The following ARHGAP44 variants were observed in gnomAD, a reference collection of about 807,000 sequenced individuals.
The protein encoded by ARHGAP44 is rho GTPase-activating protein 44.
ARHGAP44 carries 43 observed loss-of-function variants against 106.8 expected under a neutral mutation model. The ratio of observed to expected loss-of-function variants is 0.40; its 90% CI spans 0.32 to 0.52. The LOEUF is 0.52. Among genes scored for constraint, ARHGAP44 ranks in the 20% least tolerant of loss-of-function variants. The probability of loss-of-function intolerance (pLI) is 0.48; values close to 1 mark genes in which losing one functional copy is unlikely to be tolerated. For missense variants in ARHGAP44, 866 were observed against 1,050.5 expected (o/e 0.82, Z 2.43); for synonymous variants, 439 against 410.3 (o/e 1.07, Z -0.85).
intron 1 of ARHGAP44, among the ~76,000 whole-genome samples, chr17:12,884,667 C>T (rs1460420142): frequency 6.6e-6 from 1 of 152,138 alleles, no homozygotes; most frequent in East Asian, 1.9e-4. Flanking sequence ...AAAAAGTTCC[C>T]TCATGCGGCA....
chr17:12,854,803 A>G (rs183049223), intron 1 of ARHGAP44, among the ~76,000 whole-genome samples: 500 of 152,202 alleles, frequency 3.3e-3, no homozygotes, highest in African/African-American at 0.011. Flanking sequence ...TACTAAAAAT[A>G]CAAAATTAGC....
intron 6 of ARHGAP44, among the ~76,000 whole-genome samples, chr17:12,922,138 A>G (rs983980019): frequency 7.2e-5 from 11 of 152,204 alleles, no homozygotes; most frequent in African/African-American, 2.7e-4. Context: ...ATACCAGGTA[A>G]GCATAAAAGT....
At chr17:12,854,394 C>A (rs905737562) in intron 1 of ARHGAP44, among the ~76,000 whole-genome samples, 6 of 152,040 alleles carry the variant, frequency 3.9e-5, no homozygotes, top group Non-Finnish European at 8.8e-5. Flanking sequence ...AACCATTTTT[C>A]CCCCCTTTGA....
intron 1 of ARHGAP44, among the ~76,000 whole-genome samples, chr17:12,851,529 G>A (rs538674864): frequency 6.6e-6 from 1 of 151,952 alleles, no homozygotes; most frequent in Admixed American, 6.6e-5. Flanking sequence ...GTACAATGGC[G>A]TGATCTCGGC....
intron 4 of ARHGAP44, among the ~76,000 whole-genome samples, chr17:12,910,515 C>G (rs904059291): frequency 7.8e-6 from 1 of 128,598 alleles, no homozygotes; most frequent in African/African-American, 2.9e-5. Context: ...ATGACGCAAT[C>G]TCAGCTCACT....
chr17:12,922,109 G>A (rs112447342), intron 6 of ARHGAP44, among the ~76,000 whole-genome samples: 2,244 of 152,254 alleles, frequency 0.015, 30 homozygotes, highest in Middle Eastern at 0.037. Flanking sequence ...AAATTGGAAA[G>A]CAGTATCCTT....
intron 1 of ARHGAP44, among the ~76,000 whole-genome samples, chr17:12,845,349 A>T (rs911135084): frequency 2.6e-4 from 40 of 152,006 alleles, no homozygotes; most frequent in Non-Finnish European, 5.4e-4. Flanking sequence ...CTCTACTAAA[A>T]ATACAAAAAT....
chr17:12,938,593 A>AAAC (rs2038617579), intron 7 of ARHGAP44, among the ~76,000 whole-genome samples: 1 of 151,480 alleles, frequency 6.6e-6, no homozygotes, highest in East Asian at 1.9e-4. Context: ...AAAAAAAAAA[A>AAAC]AAAAAAAAAA....
chr17:12,948,929 A>G (rs1040822366), intron 10 of ARHGAP44, among the ~76,000 whole-genome samples: 3 of 152,220 alleles, frequency 2.0e-5, no homozygotes, highest in African/African-American at 7.2e-5. Context: ...CTGTGGGGAC[A>G]CAACAGTGGG....
At chr17:12,839,870 C>T (rs182897524) in intron 1 of ARHGAP44, among the ~76,000 whole-genome samples, 26 of 152,174 alleles carry the variant, frequency 1.7e-4, no homozygotes, top group African/African-American at 6.3e-4. Context: ...CTGATACTTA[C>T]AGGAAAATCG....
chr17:12,945,524 G>A (rs1041164031), intron 10 of ARHGAP44, among the ~76,000 whole-genome samples: 3 of 152,068 alleles, frequency 2.0e-5, no homozygotes, highest in Non-Finnish European at 4.4e-5. Context: ...ACTTATTGCC[G>A]GAGATGAATC....
intron 1 of ARHGAP44, 89 bp downstream of exon 1, chr17:12,789,980 A>T (rs569283221): frequency 1.6e-5 from 21 of 1,273,620 alleles, no homozygotes; most frequent in Non-Finnish European, 2.2e-5. Flanking sequence ...CCCAGCCTCC[A>T]GTCCTCCTTG....
chr17:12,949,380 C>A lies in ARHGAP44; in HGVS notation c.973+129C>A. On this transcript the variant is annotated intron_variant, in intron 11 of 20. Transcript: ENST00000379672. The surrounding 1 kb of genome is among the most constrained non-coding windows in gnomAD (Gnocchi z 4.1). ...CCAAAGCACTTCAGATGTGTCCACT[C>A]AGTGCCCAGTTTCAGGGCTGGGTGC... The A allele has an allele frequency of 2.9e-6, 3 of 1,025,344 alleles. No individual in the cohort carries two copies. Among genetic ancestry groups the A allele is most frequent in the Non-Finnish European group, 4.3e-6 (3 of 703,240 alleles). The allele number at this position is 1,025,344 out of a possible 1,614,324, so 63.5% of individuals were successfully genotyped here.
intron 20 of ARHGAP44, chr17:12,987,449 C>T (rs2143474162): frequency 3.0e-6 from 1 of 336,858 alleles, no homozygotes; most frequent in Non-Finnish European, 5.5e-6. Flanking sequence ...CCCCCTCCGC[C>T]CTCCCTCAGG....
chr17:12,828,632 C>CTTTT (rs2034993321), intron 1 of ARHGAP44, among the ~76,000 whole-genome samples: 1 of 108,100 alleles, frequency 9.3e-6, no homozygotes, highest in Non-Finnish European at 1.8e-5. Context: ...ATTTTTTTTT[C>CTTTT]TTTCTTTTTT....
chr17:12,939,075 T>G (rs1034986035), intron 7 of ARHGAP44, among the ~76,000 whole-genome samples: 3 of 152,220 alleles, frequency 2.0e-5, no homozygotes, highest in African/African-American at 4.8e-5. Context: ...GCTGCCTGGC[T>G]GGTGATGGAT....
chr17:12,823,765 T>C (rs1315309342), intron 1 of ARHGAP44, among the ~76,000 whole-genome samples: 1 of 152,218 alleles, frequency 6.6e-6, no homozygotes, highest in Non-Finnish European at 1.5e-5. Context: ...CTCCCTTCTA[T>C]GTTGCCAGAC....
At chr17:12,802,863 A>C (rs1425720674) in intron 1 of ARHGAP44, among the ~76,000 whole-genome samples, 8 of 120,624 alleles carry the variant, frequency 6.6e-5, no homozygotes, top group Non-Finnish European at 1.1e-4. Context: ...GGTTCAAGTG[A>C]TTCTTGTGCC....
At chr17:12,952,691 A>C (rs1316227901) in intron 13 of ARHGAP44, 110 bp downstream of exon 13, 2 of 504,262 alleles carry the variant, frequency 4.0e-6, no homozygotes, top group Non-Finnish European at 7.1e-6. Context: ...GCATTTTATG[A>C]TGTCCAAGGT....
Sources: gnomAD v4.1 joint callset for allele counts (sites outside exome capture counted in the v4.1 genomes callset) on GRCh38, gnomAD v4.1.1 for gene constraint, Gnocchi (gnomAD v3.1) non-coding constraint, MANE v1.5 for transcripts, NCBI Gene and HGNC (gene_info 2026-07-23, HGNC 2026-07-21) for gene names.